Variants in PRMT8 observed in about 807,000 individuals in gnomAD.
PRMT8 encodes the protein protein arginine methyltransferase 8.
Under a neutral mutation model 47.1 loss-of-function variants are expected in PRMT8, and 7 were observed. That is an observed-to-expected ratio of 0.15 (90% confidence interval 0.08 to 0.28). The LOEUF (loss-of-function observed/expected upper bound fraction) is 0.28. Among genes scored for constraint, PRMT8 ranks in the 10% least tolerant of loss-of-function variants. The pLI is 1.00. For synonymous variants in PRMT8, 188 were observed against 186.5 expected (o/e 1.01, Z -0.07); for missense variants, 237 against 505.4 (o/e 0.47, Z 5.09).
chr12:3,417,778 C>T (rs1864498535), intron 1 of PRMT8, among the ~76,000 whole-genome samples: 2 of 152,240 alleles, frequency 1.3e-5, no homozygotes, highest in East Asian at 1.9e-4. Context: ...TTGAATGGCA[C>T]CTGGGAAGAG....
Position 3,569,463 on chromosome 12 carries a change from C to T in PRMT8, c.625-14C>T, listed in dbSNP as rs778079279. 6.2e-7 allele frequency: 1 copy of T among 1,611,036 alleles called. No homozygotes were observed. Among genetic ancestry groups the T allele is most frequent in the South Asian group, 1.1e-5 (1 of 91,040 alleles). ...ATAGATTACGAGACCCATTTCCCCA[C>T]AATTCATCAACAGAAACCTGGAGGG... is the stretch of plus-strand genomic sequence containing the variant. On this transcript the variant is annotated splice_polypyrimidine_tract_variant and intron_variant, in intron 5 of 9. Coordinates refer to ENST00000382622, the MANE Select transcript of PRMT8 (RefSeq NM_019854.5). This position sits in a 1 kb window ranked among gnomAD's most constrained non-coding sequence, Gnocchi z 8.2.
intron 1 of PRMT8, among the ~76,000 whole-genome samples, chr12:3,513,873 A>G (rs959716510): frequency 6.6e-6 from 1 of 152,218 alleles, no homozygotes; most frequent in African/African-American, 2.4e-5. Context: ...ACAGTATGTT[A>G]TTTTGTGGTA....
intron 1 of PRMT8, among the ~76,000 whole-genome samples, chr12:3,434,583 A>G (rs1565406780): frequency 1.3e-5 from 2 of 152,092 alleles, no homozygotes; most frequent in South Asian, 2.1e-4. Context: ...CCCTCTCACA[A>G]TGGGACATGG....
At chr12:3,427,848 G>A (rs1404013859) in intron 1 of PRMT8, among the ~76,000 whole-genome samples, 2 of 150,516 alleles carry the variant, frequency 1.3e-5, no homozygotes, top group Non-Finnish European at 3.0e-5. Flanking sequence ...CCCTTTTTTC[G>A]AAGATAATCA....
intron 1 of PRMT8, among the ~76,000 whole-genome samples, chr12:3,523,251 A>G (rs1041175322): frequency 2.0e-5 from 3 of 152,202 alleles, no homozygotes; most frequent in Non-Finnish European, 4.4e-5. Flanking sequence ...TCCAAAAACA[A>G]ACCCTTAAAA....
At position 3,570,235 on chromosome 12, in the gene PRMT8, A is replaced by C. The variant is rs1323203817; in HGVS notation, c.712+671A>C. Reference sequence around the variant, plus strand: ...AGCCAAAAAACTTCTCCTCCCCCGCAATGTTTTACCTGGTCTGAAAAGGGC... The same window carrying C: ...AGCCAAAAAACTTCTCCTCCCCCGCCATGTTTTACCTGGTCTGAAAAGGGC... On this transcript the variant is annotated intron_variant, in intron 6 of 9. Transcript: ENST00000382622. This position sits in a 1 kb window ranked among gnomAD's most constrained non-coding sequence, Gnocchi z 5.5. 6.6e-6 allele frequency among the ~76,000 whole-genome samples: 1 copy of C among 152,110 alleles called. No homozygotes were observed. The highest frequency in any genetic ancestry group is 2.1e-4 in the South Asian group (1 of 4,818).
intron 1 of PRMT8, among the ~76,000 whole-genome samples, chr12:3,391,478 C>T (rs897994067): frequency 1.3e-4 from 20 of 152,074 alleles, no homozygotes; most frequent in African/African-American, 4.3e-4. Flanking sequence ...GTGTGTGGGA[C>T]GAGCAGTGGG....
Position 3,593,278 on chromosome 12 carries a change from T to A in PRMT8, c.*96T>A. ...AATACCGTTTGCAGGACTACACACT[T>A]GAAAACCAGAGTTTTCAACTCTGCC... On this transcript the variant is annotated 3_prime_UTR_variant, in exon 10 of 10. Coordinates refer to ENST00000382622, the MANE Select transcript of PRMT8 (RefSeq NM_019854.5). The surrounding 1 kb of genome is among the most constrained non-coding windows in gnomAD (Gnocchi z 4.8). The A allele has an allele frequency of 9.4e-7, 1 of 1,062,798 alleles. No homozygotes were observed. Among genetic ancestry groups the A allele is most frequent in the Non-Finnish European group, 1.4e-6 (1 of 721,684 alleles). The allele number at this position is 1,062,798 out of a possible 1,614,324, so 65.8% of individuals were successfully genotyped here. A position where few individuals can be genotyped will look rare whatever the true frequency, so the allele number is the denominator to read the frequency against.
At chr12:3,394,262 T>C (rs1432481069) in intron 1 of PRMT8, among the ~76,000 whole-genome samples, 1 of 152,210 alleles carries the variant, frequency 6.6e-6, no homozygotes, top group Non-Finnish European at 1.5e-5. Context: ...ATAGGAGTGG[T>C]GAGAGAGGGC....
At chr12:3,461,078 C>A (rs368097142) in intron 1 of PRMT8, among the ~76,000 whole-genome samples, 3 of 152,134 alleles carry the variant, frequency 2.0e-5, no homozygotes, top group African/African-American at 4.8e-5. Context: ...CATATAAACA[C>A]CCACTCAGCT....
chr12:3,388,021 C>T (rs1249944141), intron 1 of PRMT8, among the ~76,000 whole-genome samples: 4 of 149,172 alleles, frequency 2.7e-5, no homozygotes, highest in African/African-American at 7.5e-5. Context: ...TAACTCCTCC[C>T]TTCCCTTCCT....
chr12:3,559,351 C>T (rs1363672998), intron 4 of PRMT8, among the ~76,000 whole-genome samples: 1 of 152,090 alleles, frequency 6.6e-6, no homozygotes, highest in Non-Finnish European at 1.5e-5. Flanking sequence ...ATTAGTGGAC[C>T]ACAGCATTTA....
intron 1 of PRMT8, among the ~76,000 whole-genome samples, chr12:3,390,758 C>T (rs570035129): frequency 2.0e-5 from 3 of 152,288 alleles, no homozygotes; most frequent in African/African-American, 4.8e-5. Flanking sequence ...TTCTAGCACT[C>T]GTTACAATTC....
intron 1 of PRMT8, among the ~76,000 whole-genome samples, chr12:3,516,125 T>C (rs906949090): frequency 1.3e-5 from 2 of 152,194 alleles, no homozygotes; most frequent in African/African-American, 2.4e-5. Flanking sequence ...CAGAGCAGCA[T>C]TGAGTGGGGC....
At chr12:3,481,626 C>T (rs1865274745) in intron 1 of PRMT8, among the ~76,000 whole-genome samples, 1 of 152,174 alleles carries the variant, frequency 6.6e-6, no homozygotes. Context: ...CTTCTGAAAG[C>T]AACCTCGAGG....
At chr12:3,575,568 T>C (rs1866925321) in intron 6 of PRMT8, among the ~76,000 whole-genome samples, 1 of 152,216 alleles carries the variant, frequency 6.6e-6, no homozygotes, top group African/African-American at 2.4e-5. Context: ...CGCCCCCCTG[T>C]TTCCCTGATG....
intron 4 of PRMT8, among the ~76,000 whole-genome samples, chr12:3,565,686 G>T (rs549323660): frequency 6.6e-6 from 1 of 152,226 alleles, no homozygotes; most frequent in African/African-American, 2.4e-5. Flanking sequence ...TCATCTATCT[G>T]TCTTCTATAT....
At chr12:3,459,522 T>C (rs1865016898) in intron 1 of PRMT8, among the ~76,000 whole-genome samples, 1 of 152,210 alleles carries the variant, frequency 6.6e-6, no homozygotes. Flanking sequence ...TTTTTTCTCT[T>C]ACACCATCGG....
Position 3,540,613 on chromosome 12 carries a change from G to GGCCCCCCCCCCC in PRMT8, c.83_84insGCCCCCCCCCCC (p.Ser28delinsArgProProProPro). 7 of 1,130,522 alleles carry GGCCCCCCCCCCC rather than the reference G, an allele frequency of 6.2e-6. No homozygotes were observed. Among genetic ancestry groups the GGCCCCCCCCCCC allele is most frequent in the South Asian group, 2.5e-5 (2 of 78,808 alleles). 70.0% of individuals were successfully genotyped at this position (1,130,522 alleles called of 1,614,324 possible). A position where few individuals can be genotyped will look rare whatever the true frequency, so the allele number is the denominator to read the frequency against. ...CCCTTCTCTTCCCCTCAGGTGAACA[G>GGCCCCCCCCCCC]CCCCCCCTCCCAGCCCCCCCAGCCC... On this transcript the variant is annotated protein_altering_variant, in exon 2 of 10. Transcript: ENST00000382622.
Sources: gnomAD v4.1 joint callset for allele counts (sites outside exome capture counted in the v4.1 genomes callset) on GRCh38, gnomAD v4.1.1 for gene constraint, Gnocchi (gnomAD v3.1) non-coding constraint, MANE v1.5 for transcripts, NCBI Gene and HGNC (gene_info 2026-07-23, HGNC 2026-07-21) for gene names.